Variants in HOXC6 observed in about 807,000 individuals in gnomAD.
The protein encoded by HOXC6 is homeobox C6, also known as homeobox protein Hox-C6.
A neutral mutation model predicts 24.0 loss-of-function variants in HOXC6; 10 were observed. That is an observed-to-expected ratio of 0.42 (90% confidence interval 0.26 to 0.71). HOXC6 has a LOEUF of 0.71. Ranked by LOEUF, HOXC6 falls within the 30% of genes least tolerant of loss-of-function variation. HOXC6 has a pLI of 0.28. For synonymous variants in HOXC6, 123 were observed against 128.1 expected (o/e 0.96, Z 0.27); for missense variants, 258 against 303.4 (o/e 0.85, Z 1.11).
At chr12:54,017,343 G>A (rs1307550507) in exon 1 of HOXC6, 1 of 152,228 alleles carries the variant, frequency 6.6e-6, no homozygotes, top group Non-Finnish European at 1.5e-5. Context: ...GGCACAGAAT[G>A]AGGGAAGACG....
In HOXC6 at chr12:54,028,454, C is replaced by A. The variant is rs1592231312; in HGVS notation, c.-68C>A. 2 of 1,524,314 alleles carry A rather than the reference C, an allele frequency of 1.3e-6. No homozygotes were observed. The highest frequency in any genetic ancestry group is 1.8e-6 in the Non-Finnish European group (2 of 1,121,162). The allele number at this position is 1,524,314 out of a possible 1,614,324, so 94.4% of individuals were successfully genotyped here. On this transcript the variant is annotated 5_prime_UTR_variant, in exon 1 of 2. Coordinates refer to ENST00000243108, the MANE Select transcript of HOXC6 (RefSeq NM_004503.4). ...GAGCCGTCCCTATAACCATCTAGTT[C>A]CGAGTACAAACTGGAGACAGAAATA...
chr12:54,029,944 G>A lies in HOXC6; in HGVS notation c.690G>A (p.Glu230=), dbSNP rs1940919590. ...AGGAAAAGCGGGAAGAGACAGAAGA[G>A]GAGAAGCAGAAAGAGTGACCAGGAC... The part of the protein sequence containing the change: ...GKEEKREETE[E]EKQKE Residue 230 remains glutamate, a synonymous_variant, in exon 2 of 2, where the codon GAG becomes GAA. Coordinates refer to ENST00000243108, the MANE Select transcript of HOXC6 (RefSeq NM_004503.4). 2 of 1,585,688 alleles carry A rather than the reference G, an allele frequency of 1.3e-6. No individual in the cohort carries two copies. The highest frequency in any genetic ancestry group is 2.2e-5 in the East Asian group (1 of 44,566).
chr12:54,026,457 T>C (rs892559201), upstream of HOXC6, among the ~76,000 whole-genome samples: 1 of 152,230 alleles, frequency 6.6e-6, no homozygotes, highest in Non-Finnish European at 1.5e-5. Flanking sequence ...AGATAACTCA[T>C]CTAAAATTTT....
intron 1 of HOXC6, among the ~76,000 whole-genome samples, chr12:54,023,209 A>AT (rs1940528809): frequency 6.6e-6 from 1 of 152,014 alleles, no homozygotes; most frequent in South Asian, 2.1e-4. Flanking sequence ...GCCAGAAATG[A>AT]TTTTTTCCAG....
chr12:54,017,994 C>CAGCTAGGCGGCCGGCGG (rs1940234483), intron 1 of HOXC6, among the ~76,000 whole-genome samples: 1 of 152,190 alleles, frequency 6.6e-6, no homozygotes, highest in African/African-American at 2.4e-5. Flanking sequence ...GAAGCCGGCG[C>CAGCTAGGCGGCCGGCGG]AGCTAGGCGG....
Position 54,028,595 on chromosome 12 carries a change from C to A in HOXC6, c.74C>A (p.Ala25Asp), listed in dbSNP as rs1290792327. ...GGCCAGGACGTCCTCCCCAACGTCG[C>A]CCTCAATTCCACCGCCTATGATCCA... is the stretch of plus-strand genomic sequence containing the variant. ...AGGQDVLPNV[A>D]LNSTAYDPVR... The change falls in exon 1 of 2, where the codon GCC becomes GAC. Residue 25 changes from alanine to aspartate, a missense_variant. Ala to Asp is a moderately radical substitution (Grantham distance 126, BLOSUM62 -2). Coordinates refer to ENST00000243108, the MANE Select transcript of HOXC6 (RefSeq NM_004503.4). 2 of 1,614,054 alleles carry A rather than the reference C, an allele frequency of 1.2e-6. No individual in the cohort carries two copies. The highest frequency in any genetic ancestry group is 1.3e-5 in the African/African-American group (1 of 74,920).
At chr12:54,025,087 G>A (rs960491185), upstream of HOXC6, among the ~76,000 whole-genome samples, 1 of 152,204 alleles carries the variant, frequency 6.6e-6, no homozygotes. Flanking sequence ...AAGGAGACCT[G>A]CAAGCCTGAT....
In HOXC6 at chr12:54,016,907, A is replaced by G. The variant is rs1940179484; in HGVS notation, c.-700A>G. The stretch of plus-strand genomic sequence containing the variant: ...CGCTCCGCAGAACAGTCCTCCCTGT[A>G]AGAGCCTAACCATTGCCAGGGAAAC... On this transcript the variant is annotated 5_prime_UTR_variant, in exon 1 of 3. Transcript: ENST00000394331. 4.6e-5 allele frequency: 7 copies of G among 152,336 alleles called. No individual in the cohort carries two copies. The South Asian group carries it at 1.5e-3, about 32-fold the overall frequency. The allele number at this position is 152,336 out of a possible 1,614,324, so 9.4% of individuals were successfully genotyped here. A position where few individuals can be genotyped will look rare whatever the true frequency, so the allele number is the denominator to read the frequency against.
upstream of HOXC6, among the ~76,000 whole-genome samples, chr12:54,027,273 G>A (rs1940760971): frequency 6.6e-6 from 1 of 152,204 alleles, no homozygotes; most frequent in Admixed American, 6.5e-5. Context: ...TTGGGTGAGA[G>A]CTCCTTAGAA....
upstream of HOXC6, among the ~76,000 whole-genome samples, chr12:54,027,788 G>A (rs953567489): frequency 3.9e-5 from 6 of 152,128 alleles, no homozygotes; most frequent in Non-Finnish European, 8.8e-5. Flanking sequence ...ACTGTACCCT[G>A]AAGTCTTGCC....
intron 1 of HOXC6, among the ~76,000 whole-genome samples, chr12:54,018,536 G>A (rs894090374): frequency 6.6e-6 from 1 of 152,234 alleles, no homozygotes; most frequent in Non-Finnish European, 1.5e-5. Flanking sequence ...GGTGCTAATG[G>A]CCTGTTGTAT....
At chr12:54,028,263 A>ATTTTT (rs951684966), upstream of HOXC6, 1 of 72,834 alleles carries the variant, frequency 1.4e-5, no homozygotes, top group African/African-American at 4.9e-5. Context: ...ATATATATAT[A>ATTTTT]TATATTTTTT....
intron 1 of HOXC6, among the ~76,000 whole-genome samples, chr12:54,019,569 G>A (rs975789820): frequency 6.6e-6 from 1 of 152,162 alleles, no homozygotes; most frequent in Non-Finnish European, 1.5e-5. Context: ...GCCGCTGATG[G>A]GGGGGAACAC....
At position 54,030,445 on chromosome 12, in the gene HOXC6, A is replaced by G. The variant is rs1289685934; in HGVS notation, c.*483A>G. 6.6e-6 allele frequency: 1 copy of G among 152,632 alleles called. No individual in the cohort carries two copies. The highest frequency in any genetic ancestry group is 1.5e-5 in the Non-Finnish European group (1 of 68,300). The allele number at this position is 152,632 out of a possible 1,614,324, so 9.5% of individuals were successfully genotyped here. ...GCGCCTTGGCCCCACACCAACCCCC[A>G]GGGCCTCCCCGCAGTCCCTGCCTAG... On this transcript the variant is annotated 3_prime_UTR_variant, in exon 2 of 2. Transcript: ENST00000243108.
chr12:54,020,597 A>C (rs1409339038), intron 1 of HOXC6: 1 of 151,934 alleles, frequency 6.6e-6, no homozygotes, highest in East Asian at 1.9e-4. Context: ...ATATATACAG[A>C]CTCATATTTC....
intron 1 of HOXC6, chr12:54,020,297 C>G (rs1270957717): frequency 1.3e-5 from 2 of 152,406 alleles, no homozygotes; most frequent in East Asian, 3.9e-4. Context: ...TCCTTGGAGC[C>G]TCCCCCTCTG....
At chr12:54,029,398 G>GCACCCACCC (rs1940882948) in intron 1 of HOXC6, among the ~76,000 whole-genome samples, 1 of 65,394 alleles carries the variant, frequency 1.5e-5, no homozygotes, top group Non-Finnish European at 2.9e-5. Context: ...TTTGCCTTTT[G>GCACCCACCC]CCCCGCCCCC....
intron 1 of HOXC6, among the ~76,000 whole-genome samples, chr12:54,019,709 T>C (rs1940343137): frequency 6.6e-6 from 1 of 152,120 alleles, no homozygotes; most frequent in South Asian, 2.1e-4. Flanking sequence ...GGCTGAGGTA[T>C]TTCTCTTAAT....
At chr12:54,026,941 C>A (rs895460762), upstream of HOXC6, among the ~76,000 whole-genome samples, 9 of 142,450 alleles carry the variant, frequency 6.3e-5, no homozygotes, top group South Asian at 6.6e-4. Context: ...AGCTTTCCCC[C>A]CCCCCAACCC....
Sources: gnomAD v4.1 joint callset for allele counts (sites outside exome capture counted in the v4.1 genomes callset) on GRCh38, gnomAD v4.1.1 for gene constraint, MANE v1.5 for transcripts, NCBI Gene and HGNC (gene_info 2026-07-23, HGNC 2026-07-21) for gene names.